Variants in PAK5 observed in about 807,000 individuals in gnomAD.
PAK5 encodes the protein serine/threonine-protein kinase PAK 5.
In PAK5, 16 loss-of-function variants were observed where a neutral mutation model predicts 65.9. The ratio of observed to expected loss-of-function variants is 0.24; its 90% CI spans 0.16 to 0.37. The LOEUF is 0.37. PAK5 is among the 10% of genes least tolerant of loss of function. PAK5 has a pLI of 1.00. For missense variants in PAK5, 785 were observed against 903.9 expected (o/e 0.87, Z 1.69); for synonymous variants, 371 against 354.9 (o/e 1.05, Z -0.51).
intron 1 of PAK5, among the ~76,000 whole-genome samples, chr20:9,801,019 A>G (rs2049162952): frequency 6.6e-6 from 1 of 152,114 alleles, no homozygotes; most frequent in Non-Finnish European, 1.5e-5. Context: ...GGCAAGTTAA[A>G]GGGGATATCT....
chr20:9,563,416 A>G (rs149633550), intron 5 of PAK5, among the ~76,000 whole-genome samples: 1 of 152,240 alleles, frequency 6.6e-6, no homozygotes, highest in African/African-American at 2.4e-5. Flanking sequence ...AGGGTCACCA[A>G]CTCGTAGTAA....
At chr20:9,616,796 A>C (rs1206097500) in intron 3 of PAK5, among the ~76,000 whole-genome samples, 3 of 152,220 alleles carry the variant, frequency 2.0e-5, no homozygotes, top group African/African-American at 7.2e-5. Flanking sequence ...GTCTAAGGAT[A>C]GAAGTCCAGG....
At position 9,618,915 on chromosome 20, in the gene PAK5, G is replaced by GTTTTTTTTTTTTTTTTTTTTTTTT. The variant is rs150725498; in HGVS notation, c.204+25186_204+25209dup. On this transcript the variant is annotated intron_variant, in intron 3 of 9. Transcript: ENST00000353224. Reference sequence around the variant, plus strand: ...AGATTCTTTTCTCTCTCTTTCTTTCGTTTTTTTTTTTTTTTTTTTTTTTTT... The same window carrying GTTTTTTTTTTTTTTTTTTTTTTTT: ...AGATTCTTTTCTCTCTCTTTCTTTCGTTTTTTTTTTTTTTTTTTTTTTTTTTTTTTTTTTTTTTTTTTTTTTTTT... 2.7e-4 allele frequency among the ~76,000 whole-genome samples: 5 copies of GTTTTTTTTTTTTTTTTTTTTTTTT among 18,816 alleles called. 1 individual carries two copies. Among genetic ancestry groups the GTTTTTTTTTTTTTTTTTTTTTTTT allele is most frequent in the Non-Finnish European group, 3.6e-4 (4 of 11,140 alleles). The allele number at this position is 18,816 out of a possible 152,430, so 12.3% of individuals were successfully genotyped here.
chr20:9,554,340 T>C (rs1326260137), intron 7 of PAK5, among the ~76,000 whole-genome samples: 1 of 152,186 alleles, frequency 6.6e-6, no homozygotes, highest in Non-Finnish European at 1.5e-5. Context: ...TGGGACGCAC[T>C]CTTGGGACCC....
At chr20:9,548,779 A>T (rs1176943056) in intron 7 of PAK5, among the ~76,000 whole-genome samples, 1 of 152,256 alleles carries the variant, frequency 6.6e-6, no homozygotes, top group African/African-American at 2.4e-5. Context: ...CTAGAATCAA[A>T]ATTGGAACAC....
intron 2 of PAK5, among the ~76,000 whole-genome samples, chr20:9,687,692 T>C (rs1037143851): frequency 6.6e-6 from 1 of 152,014 alleles, no homozygotes; most frequent in Non-Finnish European, 1.5e-5. Flanking sequence ...GGCACTAGGG[T>C]GAGTTCATTT....
At chr20:9,579,460 C>G (rs1193873560) in intron 4 of PAK5, among the ~76,000 whole-genome samples, 1 of 152,090 alleles carries the variant, frequency 6.6e-6, no homozygotes, top group Non-Finnish European at 1.5e-5. Context: ...ATATCATAGA[C>G]CAGTCAAATT....
At chr20:9,719,972 C>G (rs373923407) in intron 1 of PAK5, among the ~76,000 whole-genome samples, 1 of 152,140 alleles carries the variant, frequency 6.6e-6, no homozygotes, top group African/African-American at 2.4e-5. Flanking sequence ...TAAAAGATAA[C>G]AGTTTACAAC....
At chr20:9,582,278 T>C (rs1417035074) in intron 3 of PAK5, among the ~76,000 whole-genome samples, 1 of 152,188 alleles carries the variant, frequency 6.6e-6, no homozygotes, top group Non-Finnish European at 1.5e-5. Flanking sequence ...TTGTTATATC[T>C]TCCGAGTTTC....
At chr20:9,646,017 T>C (rs1600191641) in intron 2 of PAK5, among the ~76,000 whole-genome samples, 2 of 152,214 alleles carry the variant, frequency 1.3e-5, no homozygotes, top group Non-Finnish European at 2.9e-5. Context: ...AAAGGATGCT[T>C]CCTGCTTTTT....
At chr20:9,830,135 G>T (rs932149801) in intron 1 of PAK5, among the ~76,000 whole-genome samples, 1 of 152,210 alleles carries the variant, frequency 6.6e-6, no homozygotes, top group Non-Finnish European at 1.5e-5. Flanking sequence ...TGAGAAGTTG[G>T]AGTGCAGAGT....
At chr20:9,679,642 G>A (rs1231776142) in intron 2 of PAK5, among the ~76,000 whole-genome samples, 1 of 152,152 alleles carries the variant, frequency 6.6e-6, no homozygotes, top group East Asian at 1.9e-4. Flanking sequence ...ATTATAAATA[G>A]GGCAAAACAG....
At chr20:9,720,386 G>A (rs1400045125) in intron 1 of PAK5, among the ~76,000 whole-genome samples, 4 of 152,158 alleles carry the variant, frequency 2.6e-5, no homozygotes, top group African/African-American at 4.8e-5. Context: ...GAAATATCAT[G>A]TATACTTTGA....
intron 2 of PAK5, among the ~76,000 whole-genome samples, chr20:9,696,843 A>G (rs1277957059): frequency 6.6e-6 from 1 of 152,118 alleles, no homozygotes; most frequent in East Asian, 1.9e-4. Flanking sequence ...CAGTTTTACT[A>G]GATGAATATC....
chr20:9,578,379 T>C (rs1221452073), intron 4 of PAK5, among the ~76,000 whole-genome samples: 1 of 151,108 alleles, frequency 6.6e-6, no homozygotes, highest in African/African-American at 2.4e-5. Context: ...GAATTAAGAG[T>C]TCTAAAACTC....
intron 1 of PAK5, among the ~76,000 whole-genome samples, chr20:9,768,303 A>G (rs1435892054): frequency 2.6e-5 from 4 of 152,100 alleles, no homozygotes; most frequent in Non-Finnish European, 5.9e-5. Flanking sequence ...CATCGAGCAC[A>G]CATGGACATA....
chr20:9,565,866 A>G, intron 5 of PAK5, 27 bp downstream of exon 5: 3 of 1,581,782 alleles, frequency 1.9e-6, no homozygotes, highest in Non-Finnish European at 2.6e-6. Context: ...CAAAGGAGAG[A>G]AAGGATGACC....
At chr20:9,734,062 A>G (rs1245532939) in intron 1 of PAK5, among the ~76,000 whole-genome samples, 1 of 152,194 alleles carries the variant, frequency 6.6e-6, no homozygotes, top group Non-Finnish European at 1.5e-5. Context: ...ATAGAGAAGA[A>G]GGTGTCTTGA....
At chr20:9,606,194 C>A (rs1161874703) in intron 3 of PAK5, among the ~76,000 whole-genome samples, 1 of 152,128 alleles carries the variant, frequency 6.6e-6, no homozygotes, top group Non-Finnish European at 1.5e-5. Context: ...TGAGTTCTCA[C>A]AAGATCTCAG....
Sources: gnomAD v4.1 joint callset for allele counts (sites outside exome capture counted in the v4.1 genomes callset) on GRCh38, gnomAD v4.1.1 for gene constraint, MANE v1.5 for transcripts, NCBI Gene and HGNC (gene_info 2026-07-23, HGNC 2026-07-21) for gene names.